Variants in STXBP5 observed in about 807,000 individuals in gnomAD.
STXBP5 encodes syntaxin binding protein 5.
Under a neutral mutation model 152.4 loss-of-function variants are expected in STXBP5, and 50 were observed. That is an observed-to-expected ratio of 0.33 (90% confidence interval 0.26 to 0.42). STXBP5 has a LOEUF of 0.42. Ranked by LOEUF, STXBP5 falls within the 10% of genes least tolerant of loss-of-function variation. STXBP5 has a pLI of 1.00. For missense variants in STXBP5, 1,167 were observed against 1,388.6 expected, an observed-to-expected ratio of 0.84 and a Z score of 2.54; for synonymous variants, 492 against 494.7, an observed-to-expected ratio of 0.99 and a Z score of 0.07.
intron 16 of STXBP5, among the ~76,000 whole-genome samples, chr6:147,323,566 AT>A (rs1783051505): frequency 6.6e-6 from 1 of 151,756 alleles, no homozygotes; most frequent in Non-Finnish European, 1.5e-5. Flanking sequence ...TAATTTTTGT[AT>A]GTTTAGTAGA....
At chr6:147,336,769 TAA>T (rs2128395250) in intron 19 of STXBP5, among the ~76,000 whole-genome samples, 1 of 152,220 alleles carries the variant, frequency 6.6e-6, no homozygotes, top group Admixed American at 6.5e-5. Context: ...TTGTAAATAT[TAA>T]GTGGAAGACC....
At position 147,327,164 on chromosome 6, in the gene STXBP5, C is replaced by T; in HGVS notation, c.1968C>T (p.Asp656=). ...ATTGCAATGGCATTGCTATGGTTGA[C>T]TACCTCCAGAAAGCAGTGCTGCTCA... is the stretch of plus-strand genomic sequence containing the variant. ...FGNCNGIAMV[D]YLQKAVLLNL... Residue 656 remains aspartate, a synonymous_variant, in exon 18 of 28, where the codon GAC becomes GAT. Coordinates refer to ENST00000321680, the MANE Select transcript of STXBP5 (RefSeq NM_001127715.4). 1 of 1,613,806 alleles carries T rather than the reference C, an allele frequency of 6.2e-7. No individual in the cohort carries two copies. Among genetic ancestry groups the T allele is most frequent in the Non-Finnish European group, 8.5e-7 (1 of 1,179,924 alleles).
chr6:147,363,268 T>A, intron 23 of STXBP5, 67 bp from the exon 24 acceptor site: 1 of 1,442,752 alleles, frequency 6.9e-7, no homozygotes, highest in Non-Finnish European at 9.3e-7. Context: ...TATGTCAAAG[T>A]TAGAATAAAC....
At chr6:147,270,135 A>C (rs1037466850) in intron 7 of STXBP5, among the ~76,000 whole-genome samples, 9 of 152,152 alleles carry the variant, frequency 5.9e-5, no homozygotes, top group African/African-American at 2.2e-4. Flanking sequence ...GCGGTGGCTC[A>C]TTCCTGTAAT....
rs149347420 is a variant in STXBP5, at chr6:147,260,616, G to A, written c.433G>A (p.Val145Ile). ...TTTGAGTATATTTTTCTCTTGCAGG[G>A]TTACATTTTGCCATCTGCCTTTCCA... ...LHSLKFCRER[V>I]TFCHLPFQSK... Residue 145 changes from valine to isoleucine, a missense_variant and splice_region_variant, in exon 5 of 28, where the codon GTT becomes ATT. Coordinates refer to ENST00000321680, the MANE Select transcript of STXBP5 (RefSeq NM_001127715.4). The A allele has an allele frequency of 1.4e-5, 23 of 1,613,342 alleles. No homozygotes were observed. The African/African-American group carries it at 2.5e-4, about 18-fold the overall frequency.
intron 4 of STXBP5, among the ~76,000 whole-genome samples, chr6:147,250,451 T>G (rs966185549): frequency 6.6e-6 from 1 of 152,228 alleles, no homozygotes; most frequent in Admixed American, 6.5e-5. Context: ...TACATTGTAT[T>G]GGCATTGTAA....
chr6:147,244,332 T>C (rs1361657239), intron 4 of STXBP5, among the ~76,000 whole-genome samples: 2 of 152,194 alleles, frequency 1.3e-5, no homozygotes, highest in Admixed American at 1.3e-4. Context: ...AGATGGGTAG[T>C]GTCAGCCCTC....
At chr6:147,261,980 G>C (rs1201676285) in intron 5 of STXBP5, among the ~76,000 whole-genome samples, 2 of 151,780 alleles carry the variant, frequency 1.3e-5, no homozygotes, top group Non-Finnish European at 2.9e-5. Context: ...TTCAAAAATA[G>C]TAATTTTGAG....
At chr6:147,346,035 G>C (rs1284891771) in intron 21 of STXBP5, among the ~76,000 whole-genome samples, 1 of 152,136 alleles carries the variant, frequency 6.6e-6, no homozygotes, top group Non-Finnish European at 1.5e-5. Context: ...TTCTGTCAGA[G>C]GCAAGGGTTG....
At chr6:147,330,559 T>A (rs1486990568) in intron 18 of STXBP5, among the ~76,000 whole-genome samples, 2 of 152,134 alleles carry the variant, frequency 1.3e-5, no homozygotes, top group African/African-American at 2.4e-5. Flanking sequence ...CACTAATTAG[T>A]CAGAATTCTA....
Position 147,382,941 on chromosome 6 carries a change from A to G in STXBP5, c.3357A>G (p.Glu1119=). The G allele has an allele frequency of 6.2e-7, 1 of 1,613,514 alleles. No homozygotes were observed. Among genetic ancestry groups the G allele is most frequent in the Non-Finnish European group, 8.5e-7 (1 of 1,179,674 alleles). ...GAGGGCAGAAACTTGGCGATCTGGA[A>G]GAAAGAACTGCGGCCATGTTATCAA... The part of the protein sequence containing the change: ...DERGQKLGDL[E]ERTAAMLSSA... Residue 1119 remains glutamate, a synonymous_variant, in exon 27 of 28, where the codon GAA becomes GAG. Coordinates refer to ENST00000321680, the MANE Select transcript of STXBP5 (RefSeq NM_001127715.4).
chr6:147,312,810 ACTTATT>A (rs1391902912), intron 11 of STXBP5, among the ~76,000 whole-genome samples: 2 of 152,144 alleles, frequency 1.3e-5, no homozygotes, highest in African/African-American at 4.8e-5. Flanking sequence ...TCCTAGAATA[ACTTATT>A]CTTAATATGA....
Position 147,363,503 on chromosome 6 carries a change from C to G in STXBP5, c.2714C>G (p.Ser905Cys), listed in dbSNP as rs748794487. 1 of 1,614,096 alleles carries G rather than the reference C, an allele frequency of 6.2e-7. No homozygotes were observed. Among genetic ancestry groups the G allele is most frequent in the South Asian group, 1.1e-5 (1 of 91,074 alleles). ...KRRPVSVSPS[S>C]SQEISENQYA... The stretch of plus-strand genomic sequence containing the variant: ...CGGCCTGTCTCAGTATCCCCCTCCT[C>G]TTCTCAGGAAATTAGTGAAAACCAG... The change falls in exon 24 of 28, where the codon TCT (serine) becomes TGT (cysteine). Residue 905 changes from serine to cysteine, a missense_variant. Around this residue, in one of 3 missense-constraint regions of STXBP5, gnomAD observed 833 missense variants for 986.3 expected, o/e 0.84. Transcript: ENST00000321680.
Position 147,389,019 on chromosome 6 carries a change from C to T in STXBP5, c.*4264C>T, listed in dbSNP as rs995116044. ...TATTTACTTTGGGGGGAAAAAAGCA[C>T]TCCTATATCTTAAATGTCCTTCTTT... On this transcript the variant is annotated 3_prime_UTR_variant, in exon 28 of 28. Transcript: ENST00000321680. The T allele has an allele frequency of 1.3e-5, 2 of 151,510 alleles. No homozygotes were observed. Among genetic ancestry groups the T allele is most frequent in the Non-Finnish European group, 3.0e-5 (2 of 67,654 alleles). 9.4% of individuals were successfully genotyped at this position (151,510 alleles called of 1,614,324 possible).
chr6:147,346,612 C>T (rs532286547), intron 21 of STXBP5, among the ~76,000 whole-genome samples: 3 of 151,820 alleles, frequency 2.0e-5, no homozygotes, highest in Non-Finnish European at 4.4e-5. Context: ...TGGTGGCGGG[C>T]GCCTGTAATC....
In STXBP5 at chr6:147,314,050, A is replaced by G; in HGVS notation, c.1293+19A>G. The G allele has an allele frequency of 6.4e-7, 1 of 1,568,786 alleles. No homozygotes were observed. The highest frequency in any genetic ancestry group is 8.7e-7 in the Non-Finnish European group (1 of 1,152,408). On this transcript the variant is annotated intron_variant, in intron 12 of 27. Transcript: ENST00000321680. Reference sequence around the variant, plus strand: ...CAAAAAGGTATTGAACATGAGCTTCAGTATTTAATGTTATATTTCTTATTT... The same window carrying G: ...CAAAAAGGTATTGAACATGAGCTTCGGTATTTAATGTTATATTTCTTATTT...
chr6:147,256,364 T>A (rs549296230), intron 4 of STXBP5, among the ~76,000 whole-genome samples: 1 of 137,482 alleles, frequency 7.3e-6, no homozygotes, highest in East Asian at 2.2e-4. Context: ...CTGAAAGAAG[T>A]ATGTTTTAGT....
intron 9 of STXBP5, among the ~76,000 whole-genome samples, chr6:147,302,686 G>A (rs1474847869): frequency 6.6e-6 from 1 of 152,070 alleles, no homozygotes; most frequent in African/African-American, 2.4e-5. Flanking sequence ...ATGGTGGCAT[G>A]TACCTGTAAT....
chr6:147,236,139 A>G (rs755840543), intron 3 of STXBP5, among the ~76,000 whole-genome samples: 9 of 152,172 alleles, frequency 5.9e-5, no homozygotes, highest in Non-Finnish European at 1.0e-4. Flanking sequence ...ATACCAGAGG[A>G]TTTAAGAAAG....
Sources: gnomAD v4.1 joint callset for allele counts (sites outside exome capture counted in the v4.1 genomes callset) on GRCh38, gnomAD v4.1.1 for gene constraint, gnomAD v4.1.1 regional missense constraint, MANE v1.5 for transcripts, NCBI Gene and HGNC (gene_info 2026-07-23, HGNC 2026-07-21) for gene names.